Variants in RFX3 observed in about 807,000 individuals in gnomAD.
RFX3 encodes transcription factor RFX3.
A neutral mutation model predicts 98.6 loss-of-function variants in RFX3; 14 were observed. The observed-to-expected ratio is 0.14, with a 90% CI of 0.09 to 0.22. The LOEUF is 0.22. Ranked by LOEUF, RFX3 falls within the 10% of genes least tolerant of loss-of-function variation. The probability of loss-of-function intolerance (pLI) is 1.00; values close to 1 mark genes in which losing one functional copy is unlikely to be tolerated. For missense variants in RFX3, 639 were observed against 926.9 expected (o/e 0.69, Z 4.03); for synonymous variants, 383 against 328.4 (o/e 1.17, Z -1.80).
At chr9:3,327,410 C>T (rs146246152) in intron 4 of RFX3, among the ~76,000 whole-genome samples, 92 of 152,086 alleles carry the variant, frequency 6.0e-4, no homozygotes, top group African/African-American at 2.2e-3. Flanking sequence ...ACAATTGAGA[C>T]GGGGATTTAA....
chr9:3,342,373 T>C lies in RFX3; in HGVS notation c.215+4294A>G, dbSNP rs191337328. 2.6e-5 allele frequency among the ~76,000 whole-genome samples: 4 copies of C among 152,266 alleles called. No individual in the cohort carries two copies. The East Asian group carries it at 5.8e-4, about 22-fold the overall frequency. ...TCTTAAGGGACTAATGTACAATGGA[T>C]CATGGTATGAGAAGTTATGTACTGG... On this transcript the variant is annotated intron_variant, in intron 3 of 16. Coordinates refer to ENST00000617270, the MANE Select transcript of RFX3 (RefSeq NM_001282116.2).
intron 3 of RFX3, among the ~76,000 whole-genome samples, chr9:3,338,411 T>A (rs1191001292): frequency 1.3e-5 from 2 of 152,250 alleles, no homozygotes; most frequent in African/African-American, 4.8e-5. Flanking sequence ...CCTTCATGTG[T>A]AGTATTTTCA....
chr9:3,345,384 G>A (rs139738275), intron 3 of RFX3, among the ~76,000 whole-genome samples: 14 of 152,330 alleles, frequency 9.2e-5, no homozygotes, highest in Admixed American at 7.2e-4. Flanking sequence ...GTAGGAATGC[G>A]GAGAATGCCA....
chr9:3,377,309 C>G (rs979310655), intron 2 of RFX3, among the ~76,000 whole-genome samples: 2 of 152,082 alleles, frequency 1.3e-5, no homozygotes, highest in Non-Finnish European at 2.9e-5. Context: ...ATGGATGAAG[C>G]TGGAAACCAT....
At position 3,288,432 on chromosome 9, in the gene RFX3, T is replaced by A. The variant is rs562602655; in HGVS notation, c.732-182A>T. 1.1e-4 allele frequency among the ~76,000 whole-genome samples: 17 copies of A among 152,190 alleles called. No individual in the cohort carries two copies. In the South Asian group the frequency reaches 3.3e-3, roughly 30 times the overall value. On this transcript the variant is annotated intron_variant, in intron 6 of 16. Transcript: ENST00000617270. Reference sequence around the variant, plus strand: ...TTTTATGGTGATAAAATTTGAAGAATCAAAATAAGATTCCAAATCAATCAG... The same window carrying A: ...TTTTATGGTGATAAAATTTGAAGAAACAAAATAAGATTCCAAATCAATCAG...
At chr9:3,513,747 T>C (rs1391763738) in intron 1 of RFX3, among the ~76,000 whole-genome samples, 1 of 152,124 alleles carries the variant, frequency 6.6e-6, no homozygotes, top group Admixed American at 6.6e-5. Context: ...TGCATTTCTA[T>C]CAACCCCCAA....
At chr9:3,247,835 A>G in intron 15 of RFX3, 197 bp downstream of exon 15, 1 of 1,605,672 alleles carries the variant, frequency 6.2e-7, no homozygotes, top group African/African-American at 1.3e-5. Flanking sequence ...ATAATCCACA[A>G]TTTTAGAATC....
At chr9:3,239,687 C>T (rs1380203441) in intron 15 of RFX3, among the ~76,000 whole-genome samples, 1 of 152,304 alleles carries the variant, frequency 6.6e-6, no homozygotes, top group Non-Finnish European at 1.5e-5. Flanking sequence ...CATTTAACAC[C>T]ACCATTAAGG....
At chr9:3,503,420 G>C (rs1816268656) in intron 1 of RFX3, among the ~76,000 whole-genome samples, 1 of 151,552 alleles carries the variant, frequency 6.6e-6, no homozygotes, top group South Asian at 2.1e-4. Context: ...ATTTTATTTT[G>C]TACCATTTTT....
intron 5 of RFX3, 62 bp downstream of exon 5, chr9:3,301,484 G>C (rs1828653723): frequency 9.0e-7 from 1 of 1,116,886 alleles, no homozygotes; most frequent in Non-Finnish European, 1.3e-6. Flanking sequence ...CAAGCATTTA[G>C]AGGCAAGCAA....
At chr9:3,447,530 T>C (rs1479454512) in intron 1 of RFX3, among the ~76,000 whole-genome samples, 4 of 152,178 alleles carry the variant, frequency 2.6e-5, no homozygotes, top group African/African-American at 9.6e-5. Flanking sequence ...TACAATTTGT[T>C]TCGATTTTTT....
intron 1 of RFX3, among the ~76,000 whole-genome samples, chr9:3,474,001 A>T (rs774468528): frequency 2.0e-5 from 3 of 152,202 alleles, no homozygotes; most frequent in Admixed American, 6.5e-5. Flanking sequence ...CCCACCTTCC[A>T]TAGTTTCTGA....
intron 2 of RFX3, among the ~76,000 whole-genome samples, chr9:3,394,256 G>A (rs1052341296): frequency 6.6e-6 from 1 of 152,156 alleles, no homozygotes; most frequent in Non-Finnish European, 1.5e-5. Context: ...GAGGTCAGGA[G>A]ATCGAGACCA....
chr9:3,343,728 G>A (rs1042350469), intron 3 of RFX3, among the ~76,000 whole-genome samples: 1 of 152,186 alleles, frequency 6.6e-6, no homozygotes, highest in Admixed American at 6.5e-5. Flanking sequence ...ATCCTTGATA[G>A]TAATGAAAGG....
At chr9:3,254,204 C>T (rs184206495) in intron 14 of RFX3, among the ~76,000 whole-genome samples, 1 of 151,726 alleles carries the variant, frequency 6.6e-6, no homozygotes, top group Admixed American at 6.6e-5. Flanking sequence ...TTCAAGATAC[C>T]TGCAACAGAT....
chr9:3,269,086 T>C (rs1824035217), intron 11 of RFX3, among the ~76,000 whole-genome samples: 1 of 152,036 alleles, frequency 6.6e-6, no homozygotes, highest in African/African-American at 2.4e-5. Flanking sequence ...ACATCACTTT[T>C]AATCAACCTT....
chr9:3,504,780 T>C (rs1308475344), intron 1 of RFX3, among the ~76,000 whole-genome samples: 2 of 90,888 alleles, frequency 2.2e-5, no homozygotes, highest in African/African-American at 4.4e-5. Context: ...GTATATATTG[T>C]ATATAAAATA....
At position 3,225,025 on chromosome 9, in the gene RFX3, A is replaced by C; in HGVS notation, c.*17T>G. 1 of 1,610,018 alleles carries C rather than the reference A, an allele frequency of 6.2e-7. No homozygotes were observed. ...AACAGGGTTAATGTAAGCTGGAAAA[A>C]TACGCTTTAATATTCTTTAGACTGC... On this transcript the variant is annotated 3_prime_UTR_variant, in exon 17 of 17. Coordinates refer to ENST00000617270, the MANE Select transcript of RFX3 (RefSeq NM_001282116.2).
At chr9:3,397,625 G>A (rs1006949316) in intron 1 of RFX3, among the ~76,000 whole-genome samples, 2 of 152,070 alleles carry the variant, frequency 1.3e-5, no homozygotes, top group Non-Finnish European at 2.9e-5. Context: ...AGTAGACTTG[G>A]GACTGGGCTT....
Sources: allele counts gnomAD v4.1 joint callset (sites outside exome capture counted in the v4.1 genomes callset), GRCh38; gene constraint gnomAD v4.1.1; transcripts MANE v1.5; gene names NCBI Gene and HGNC (gene_info 2026-07-23, HGNC 2026-07-21).